GRM1: variants seen among roughly 807,000 people sequenced by gnomAD.
The protein encoded by GRM1 is glutamate metabotropic receptor 1, also known as metabotropic glutamate receptor 1.
In GRM1, 33 loss-of-function variants were observed where a neutral mutation model predicts 90.9. The ratio of observed to expected loss-of-function variants is 0.36; its 90% CI spans 0.28 to 0.49. The LOEUF is 0.49. Ranked by LOEUF, GRM1 falls within the 20% of genes least tolerant of loss-of-function variation. The pLI is 0.99. For synonymous variants in GRM1, 700 were observed against 613.2 expected, an observed-to-expected ratio of 1.14 and a Z score of -2.09; for missense variants, 1,190 against 1,534.3, an observed-to-expected ratio of 0.78 and a Z score of 3.75.
chr6:146,311,698 T>TA (rs1783774623), intron 3 of GRM1, among the ~76,000 whole-genome samples: 1 of 152,230 alleles, frequency 6.6e-6, no homozygotes, highest in African/African-American at 2.4e-5. Flanking sequence ...CATTTTTCTG[T>TA]TTAAAATAGT....
In GRM1 at chr6:146,131,344, T is replaced by G. The variant is rs1365455264; in HGVS notation, c.701-28004T>G. ...ACCTAGAATTTTTTGTGTGGCAATGTGGTAGAAAAGGTGTTATCCCCAAAA... is the reference window on the plus strand; with the variant it reads ...ACCTAGAATTTTTTGTGTGGCAATGGGGTAGAAAAGGTGTTATCCCCAAAA... On this transcript the variant is annotated intron_variant, in intron 1 of 7. Coordinates refer to ENST00000282753, the MANE Select transcript of GRM1 (RefSeq NM_001278064.2). Among the ~76,000 whole-genome samples, 7 of 152,220 alleles carry G rather than the reference T, an allele frequency of 4.6e-5. No individual in the cohort carries two copies. The East Asian group carries it at 1.2e-3, about 25-fold the overall frequency.
At chr6:146,143,640 G>C (rs1042251978) in intron 1 of GRM1, among the ~76,000 whole-genome samples, 5 of 152,200 alleles carry the variant, frequency 3.3e-5, no homozygotes, top group Non-Finnish European at 5.9e-5. Flanking sequence ...ATTTTAAGTG[G>C]CTGCACAACA....
In GRM1 at chr6:146,046,600, G is replaced by A. The variant is rs551117400; in HGVS notation, c.700+16383G>A. Among the ~76,000 whole-genome samples the A allele has an allele frequency of 9.9e-5, 15 of 152,094 alleles. No individual in the cohort carries two copies. The South Asian group carries it at 3.1e-3, about 31-fold the overall frequency. Reference sequence around the variant, plus strand: ...TTTATATCAGTAAGCCAGCAAGTTAGTCAATTTATTTTATAAAAACTGCTC... The same window carrying A: ...TTTATATCAGTAAGCCAGCAAGTTAATCAATTTATTTTATAAAAACTGCTC... On this transcript the variant is annotated intron_variant, in intron 1 of 7. Coordinates refer to ENST00000282753, the MANE Select transcript of GRM1 (RefSeq NM_001278064.2).
intron 6 of GRM1, 152 bp from the exon 7 acceptor site, chr6:146,398,617 T>C: frequency 1.4e-6 from 1 of 703,962 alleles, no homozygotes; most frequent in South Asian, 1.6e-5. Flanking sequence ...GATGTATCTT[T>C]ATTTGTGTAA....
At chr6:146,288,051 A>G (rs1583278042) in intron 2 of GRM1, among the ~76,000 whole-genome samples, 2 of 152,380 alleles carry the variant, frequency 1.3e-5, no homozygotes, top group Admixed American at 1.3e-4. Flanking sequence ...ACACATACAT[A>G]GAAATGTGAA....
At chr6:146,397,782 G>A (rs573276074) in intron 6 of GRM1, among the ~76,000 whole-genome samples, 1 of 152,106 alleles carries the variant, frequency 6.6e-6, no homozygotes, top group Admixed American at 6.6e-5. Context: ...TGCTTGCTTG[G>A]CATCCAAACA....
At chr6:146,055,048 T>C (rs1163211251) in intron 1 of GRM1, among the ~76,000 whole-genome samples, 1 of 152,094 alleles carries the variant, frequency 6.6e-6, no homozygotes, top group African/African-American at 2.4e-5. Context: ...TTCCAATAAA[T>C]GTAGGAATCT....
chr6:146,158,454 G>GTGA (rs143724313), intron 1 of GRM1, among the ~76,000 whole-genome samples: 16,611 of 152,084 alleles, frequency 0.11, 1,811 homozygotes, highest in African/African-American at 0.28. Flanking sequence ...AGAAACATCT[G>GTGA]TGATAACATG....
chr6:146,187,403 C>T lies in GRM1; in HGVS notation c.950+27806C>T, dbSNP rs140496088. ...GTTTTCCAAATGAGGACATTTATAA[C>T]TCATACCATATCACGAAGTTTTTGA... On this transcript the variant is annotated intron_variant, in intron 2 of 7. Coordinates refer to ENST00000282753, the MANE Select transcript of GRM1 (RefSeq NM_001278064.2). Among the ~76,000 whole-genome samples the T allele has an allele frequency of 8.1e-4, 123 of 152,230 alleles. 1 individual carries two copies. The East Asian group carries it at 0.017, about 21-fold the overall frequency.
intron 2 of GRM1, among the ~76,000 whole-genome samples, chr6:146,196,195 A>G (rs772619975): frequency 2.0e-5 from 3 of 152,170 alleles, no homozygotes; most frequent in Non-Finnish European, 4.4e-5. Context: ...TTTAAATGCC[A>G]TCTGAAAATT....
chr6:146,259,890 T>C (rs1482486953), intron 2 of GRM1, among the ~76,000 whole-genome samples: 2 of 150,898 alleles, frequency 1.3e-5, no homozygotes, highest in Non-Finnish European at 3.0e-5. Context: ...ACAGGAGCTG[T>C]ATCATTTTAT....
chr6:146,076,054 T>C (rs1485768589), intron 1 of GRM1, among the ~76,000 whole-genome samples: 1 of 152,214 alleles, frequency 6.6e-6, no homozygotes, highest in African/African-American at 2.4e-5. Flanking sequence ...GTTCAATCTA[T>C]AACTATGAGA....
chr6:146,317,967 G>A (rs1466930698), intron 3 of GRM1, among the ~76,000 whole-genome samples: 1 of 152,028 alleles, frequency 6.6e-6, no homozygotes, highest in Non-Finnish European at 1.5e-5. Context: ...TTCATAAGAG[G>A]GCAAATCTTA....
chr6:146,327,309 G>A (rs1396198895), intron 3 of GRM1, among the ~76,000 whole-genome samples: 1 of 152,120 alleles, frequency 6.6e-6, no homozygotes, highest in Non-Finnish European at 1.5e-5. Flanking sequence ...ATTCAAGGTT[G>A]TGTTTAGAGA....
chr6:146,398,189 G>T (rs1024949917), intron 6 of GRM1, among the ~76,000 whole-genome samples: 5 of 152,108 alleles, frequency 3.3e-5, no homozygotes, highest in African/African-American at 9.7e-5. Flanking sequence ...GATCATTCAT[G>T]ATTCATGAGA....
At chr6:146,183,887 T>A (rs1778632468) in intron 2 of GRM1, among the ~76,000 whole-genome samples, 1 of 152,196 alleles carries the variant, frequency 6.6e-6, no homozygotes, top group Admixed American at 6.5e-5. Flanking sequence ...GTGCAGTTTC[T>A]GTAAAGATAG....
intron 7 of GRM1, among the ~76,000 whole-genome samples, chr6:146,420,129 A>C (rs78044820): frequency 0.016 from 2,406 of 152,336 alleles, 83 homozygotes; most frequent in African/African-American, 0.055. Flanking sequence ...TCTGACATAC[A>C]AAATAGGTTT....
intron 7 of GRM1, among the ~76,000 whole-genome samples, chr6:146,414,108 C>T (rs749650786): frequency 2.6e-5 from 4 of 152,140 alleles, no homozygotes; most frequent in Non-Finnish European, 4.4e-5. Flanking sequence ...GCATGTTTAA[C>T]TTATAAGAAA....
chr6:146,232,725 C>T (rs577115589), intron 2 of GRM1, among the ~76,000 whole-genome samples: 1 of 151,984 alleles, frequency 6.6e-6, no homozygotes, highest in African/African-American at 2.4e-5. Flanking sequence ...CATTAAGGCT[C>T]ACCTATATGA....
Sources: gnomAD v4.1 joint callset for allele counts (sites outside exome capture counted in the v4.1 genomes callset) on GRCh38, gnomAD v4.1.1 for gene constraint, MANE v1.5 for transcripts, NCBI Gene and HGNC (gene_info 2026-07-23, HGNC 2026-07-21) for gene names.